The following WSCD1 variants were observed in gnomAD, a reference collection of about 807,000 sequenced individuals.
WSCD1 encodes sialate:O-sulfotransferase 1.
A neutral mutation model predicts 60.4 loss-of-function variants in WSCD1; 41 were observed. That is an observed-to-expected ratio of 0.68 (90% CI 0.53 to 0.88). The LOEUF is 0.88. WSCD1 is among the 40% of genes least tolerant of loss of function. The pLI is 0.00. For missense variants in WSCD1, 784 were observed against 796.2 expected, an observed-to-expected ratio of 0.98 and a Z score of 0.18; for synonymous variants, 361 against 332.5, an observed-to-expected ratio of 1.09 and a Z score of -0.93.
chr17:6,120,566 A>G lies in WSCD1; in HGVS notation c.1633A>G (p.Met545Val). 6.2e-7 allele frequency: 1 copy of G among 1,613,734 alleles called. No homozygotes were observed. Among genetic ancestry groups the G allele is most frequent in the Non-Finnish European group, 8.5e-7 (1 of 1,180,000 alleles). The change falls in exon 9 of 9, where the codon ATG becomes GTG. Residue 545 changes from methionine (M) to valine (V), a missense_variant. Physicochemically the swap from Met to Val is conservative, Grantham distance 21. Coordinates refer to ENST00000317744, the MANE Select transcript of WSCD1 (RefSeq NM_015253.2). The part of the protein sequence containing the change: ...SHDPEPFTPE[M>V]KDLINGYIRT... ...CGACCCTGAGCCCTTCACCCCGGAGATGAAAGACTTGATCAATGGCTACAT... is the reference window on the plus strand; with the variant it reads ...CGACCCTGAGCCCTTCACCCCGGAGGTGAAAGACTTGATCAATGGCTACAT...
At chr17:6,107,822 T>C (rs949210747) in intron 5 of WSCD1, among the ~76,000 whole-genome samples, 3 of 152,186 alleles carry the variant, frequency 2.0e-5, no homozygotes, top group African/African-American at 4.8e-5. Context: ...CCGGGGAAAC[T>C]TGCTTCTGGA....
At chr17:6,069,433 GA>G (rs1567546333), upstream of WSCD1, 57 of 92,050 alleles carry the variant, frequency 6.2e-4, no homozygotes, top group African/African-American at 3.8e-3. Context: ...GTGTGTGAGA[GA>G]GAGAGAGAGA....
Position 6,080,434 on chromosome 17 carries a change from C to T in WSCD1, c.-225C>T. The stretch of plus-strand genomic sequence containing the variant: ...AATGGAGATGTCCTTGACGCCTGGG[C>T]AGAGGCTGCAGCTGCAGGACCCTGT... On this transcript the variant is annotated 5_prime_UTR_variant, in exon 2 of 9. It introduces an in-frame stop codon into an upstream open reading frame of the 5' UTR. Transcript: ENST00000317744. This position sits in a 1 kb window ranked among gnomAD's most constrained non-coding sequence, Gnocchi z 6.6. The T allele has an allele frequency of 1.8e-6, 1 of 562,732 alleles. No homozygotes were observed. Among genetic ancestry groups the T allele is most frequent in the Non-Finnish European group, 3.1e-6 (1 of 321,622 alleles). The allele number at this position is 562,732 out of a possible 1,614,324, so 34.9% of individuals were successfully genotyped here. A position where few individuals can be genotyped will look rare whatever the true frequency, so the allele number is the denominator to read the frequency against.
At chr17:6,106,630 G>A (rs530114336) in intron 5 of WSCD1, among the ~76,000 whole-genome samples, 25 of 152,320 alleles carry the variant, frequency 1.6e-4, no homozygotes, top group Middle Eastern at 3.4e-3. Context: ...TGGGGAGAGG[G>A]GCCTCCGGTG....
At chr17:6,087,230 C>T (rs1333369030) in intron 2 of WSCD1, among the ~76,000 whole-genome samples, 1 of 152,196 alleles carries the variant, frequency 6.6e-6, no homozygotes, top group East Asian at 1.9e-4. Context: ...GAGATGTCTC[C>T]CTCCCTCGGG....
At chr17:6,069,427 GTGAGAGAGA>G (rs1567546296), upstream of WSCD1, 69 of 130,084 alleles carry the variant, frequency 5.3e-4, no homozygotes, top group African/African-American at 2.9e-3. Flanking sequence ...GTGTGTGTGT[GTGAGAGAGA>G]GAGAGAGAGA....
At chr17:6,093,580 T>C (rs1202888344) in intron 4 of WSCD1, among the ~76,000 whole-genome samples, 1 of 152,134 alleles carries the variant, frequency 6.6e-6, no homozygotes, top group Non-Finnish European at 1.5e-5. Flanking sequence ...TCCATTGAAA[T>C]GTTTGTTCTT....
intron 4 of WSCD1, among the ~76,000 whole-genome samples, chr17:6,090,782 C>A (rs929512477): frequency 1.3e-4 from 20 of 152,210 alleles, no homozygotes; most frequent in African/African-American, 4.8e-4. Context: ...ATGCCTCAGA[C>A]ATGCTGTGTG....
At position 6,075,070 on chromosome 17, in the gene WSCD1, G is replaced by C. The variant is rs1159487116; in HGVS notation, c.-289+4418G>C. Among the ~76,000 whole-genome samples, 1 of 152,130 alleles carries C rather than the reference G, an allele frequency of 6.6e-6. No homozygotes were observed. Among genetic ancestry groups the C allele is most frequent in the African/African-American group, 2.4e-5 (1 of 41,412 alleles). On this transcript the variant is annotated intron_variant, in intron 1 of 8. Coordinates refer to ENST00000317744, the MANE Select transcript of WSCD1 (RefSeq NM_015253.2). This position sits in a 1 kb window ranked among gnomAD's most constrained non-coding sequence, Gnocchi z 4.1. ...CCTGGCTGCCAGTCACTGAGGCTGA[G>C]GCTTCGAGCTTCTAGGACCCAGATG... is the stretch of plus-strand genomic sequence containing the variant.
Position 6,110,425 on chromosome 17 carries a change from C to T in WSCD1, c.1010-346C>T, listed in dbSNP as rs1911343712. Reference sequence around the variant, plus strand: ...ACTTTGCTCAGCCTAGCCTCAATCCCCACCCACTTCCCCTATTAGAATCTG... The same window carrying T: ...ACTTTGCTCAGCCTAGCCTCAATCCTCACCCACTTCCCCTATTAGAATCTG... On this transcript the variant is annotated intron_variant, in intron 6 of 8. Coordinates refer to ENST00000317744, the MANE Select transcript of WSCD1 (RefSeq NM_015253.2). The surrounding 1 kb of genome is among the most constrained non-coding windows in gnomAD (Gnocchi z 4.8). Among the ~76,000 whole-genome samples, 1 of 152,156 alleles carries T rather than the reference C, an allele frequency of 6.6e-6. No individual in the cohort carries two copies. Among genetic ancestry groups the T allele is most frequent in the Non-Finnish European group, 1.5e-5 (1 of 68,008 alleles).
At chr17:6,089,078 G>A (rs1044930950) in intron 3 of WSCD1, among the ~76,000 whole-genome samples, 4 of 152,224 alleles carry the variant, frequency 2.6e-5, no homozygotes, top group African/African-American at 4.8e-5. Flanking sequence ...CACCACACCC[G>A]GCCTCACCTT....
chr17:6,069,390 C>CGTGTGT (rs771018197), upstream of WSCD1: 1,439 of 335,542 alleles, frequency 4.3e-3, 15 homozygotes, highest in African/African-American at 0.031. Context: ...CACCTCGGTG[C>CGTGTGT]GTGTGTGTGT....
rs1908813455 is a variant in WSCD1, at chr17:6,075,771, G to T, written c.-288-4600G>T. On this transcript the variant is annotated intron_variant, in intron 1 of 8. Coordinates refer to ENST00000317744, the MANE Select transcript of WSCD1 (RefSeq NM_015253.2). This position sits in a 1 kb window ranked among gnomAD's most constrained non-coding sequence, Gnocchi z 4.1. ...CCCCAATAAGGCCAAGCCCCAGGCA[G>T]GGATAGAACCCCTCTAGCCTCCCCC... Among the ~76,000 whole-genome samples, 1 of 152,172 alleles carries T rather than the reference G, an allele frequency of 6.6e-6. No individual in the cohort carries two copies. The highest frequency in any genetic ancestry group is 2.4e-5 in the African/African-American group (1 of 41,438).
intron 5 of WSCD1, among the ~76,000 whole-genome samples, chr17:6,106,472 A>G (rs1284564421): frequency 6.6e-6 from 1 of 152,226 alleles, no homozygotes. Context: ...GGATTTGACA[A>G]ATGTTTTTCT....
chr17:6,086,083 C>G (rs375229856), intron 2 of WSCD1, among the ~76,000 whole-genome samples: 1 of 151,722 alleles, frequency 6.6e-6, no homozygotes. Context: ...GCCGTTGTTC[C>G]CTCCTCAGCC....
chr17:6,120,408 AG>A lies in WSCD1; in HGVS notation c.1476del (p.Glu492AspfsTer21), dbSNP rs780692410. 13 of 1,613,918 alleles carry A rather than the reference AG, an allele frequency of 8.1e-6. No individual in the cohort carries two copies. Among genetic ancestry groups the A allele is most frequent in the Admixed American group, 1.7e-5 (1 of 60,018 alleles). On this transcript the variant is annotated frameshift_variant, in exon 9 of 9. Coordinates refer to ENST00000317744, the MANE Select transcript of WSCD1 (RefSeq NM_015253.2). LOFTEE classifies it high-confidence loss of function. Reference protein sequence around the residue: ...GKRLLVVHYEELRRSLVPTLR... With the variant: ...GKRLLVVHYEXLRRSLVPTLR... ...CGGCTGCTGGTGGTGCACTACGAGG[AG>A]CTGCGGCGCAGCCTGGTGCCCACGT...
chr17:6,093,790 G>C (rs944483499), intron 4 of WSCD1, among the ~76,000 whole-genome samples: 13 of 152,216 alleles, frequency 8.5e-5, no homozygotes, highest in African/African-American at 3.1e-4. Context: ...GAAATTGAGA[G>C]TCTGAGCCCG....
chr17:6,099,067 C>T (rs71368600), intron 5 of WSCD1, among the ~76,000 whole-genome samples: 14,029 of 110,792 alleles, frequency 0.13, 839 homozygotes, highest in South Asian at 0.2. Flanking sequence ...TGCAGGGTTA[C>T]TTGGGGGGCT....
intron 5 of WSCD1, among the ~76,000 whole-genome samples, chr17:6,107,008 G>C (rs182811638): frequency 1.3e-5 from 2 of 152,278 alleles, no homozygotes; most frequent in Admixed American, 1.3e-4. Context: ...GTAAACAACA[G>C]ACATTTATTT....
Sources: gnomAD v4.1 joint callset for allele counts (sites outside exome capture counted in the v4.1 genomes callset) on GRCh38, gnomAD v4.1.1 for gene constraint, Gnocchi (gnomAD v3.1) non-coding constraint, MANE v1.5 for transcripts, NCBI Gene and HGNC (gene_info 2026-07-23, HGNC 2026-07-21) for gene names.